The following FSAF1 variants were observed in gnomAD, a reference collection of about 807,000 sequenced individuals.
The protein encoded by FSAF1 is 40S small subunit processome assembly factor 1.
chr1:231,231,002 T>C, the FSAF1 span, among the ~76,000 whole-genome samples: 2 of 152,226 alleles, frequency 1.3e-5, no homozygotes, highest in Non-Finnish European at 1.5e-5. Context: ...GGGGTGCTGA[T>C]GGTAACAGAG....
At chr1:231,225,164 AC>A in the FSAF1 span, 1 of 444,378 alleles carries the variant, frequency 2.3e-6, no homozygotes, top group Non-Finnish European at 4.0e-6. Context: ...GGCTATACAG[AC>A]CCAGACTACG....
chr1:231,234,364 C>G, the FSAF1 span, among the ~76,000 whole-genome samples: 1 of 152,200 alleles, frequency 6.6e-6, no homozygotes, highest in Admixed American at 6.5e-5. The surrounding 1 kb of genome is among the most constrained non-coding windows in gnomAD (Gnocchi z 4.0). Context: ...GCTCTAAGGG[C>G]TGAGCAACAC....
At chr1:231,227,099 T>C in the FSAF1 span, 8 of 1,606,810 alleles carry the variant, frequency 5.0e-6, no homozygotes, top group Non-Finnish European at 6.8e-6. Context: ...CAGACGCAAG[T>C]GCATTCCAAC....
At chr1:231,227,139 A>G in the FSAF1 span, 1 of 1,477,796 alleles carries the variant, frequency 6.8e-7, no homozygotes, top group Non-Finnish European at 9.4e-7. Flanking sequence ...TACTGCCAGA[A>G]GTAATGCATT....
the FSAF1 span, chr1:231,238,307 C>T: frequency 6.6e-6 from 1 of 152,386 alleles, no homozygotes; most frequent in African/African-American, 2.4e-5. Flanking sequence ...ATTGCTTTTC[C>T]ACCAGCATTG....
chr1:231,241,000 G>A, the FSAF1 span: 1 of 1,593,468 alleles, frequency 6.3e-7, no homozygotes, highest in South Asian at 1.1e-5. This position sits in a 1 kb window ranked among gnomAD's most constrained non-coding sequence, Gnocchi z 4.1. Flanking sequence ...TTCTCCACGT[G>A]GGCTCCTGGG....
chr1:231,231,017 T>C, the FSAF1 span, among the ~76,000 whole-genome samples: 9 of 152,206 alleles, frequency 5.9e-5, no homozygotes, highest in Non-Finnish European at 8.8e-5. Flanking sequence ...ACAGAGGACG[T>C]GACAGCAGAG....
At chr1:231,238,286 A>G in the FSAF1 span, 1 of 152,288 alleles carries the variant, frequency 6.6e-6, no homozygotes, top group African/African-American at 2.4e-5. Flanking sequence ...ATTACTGCTC[A>G]GAAAAATCAA....
chr1:231,224,932 A>T, the FSAF1 span: 1 of 166,476 alleles, frequency 6.0e-6, no homozygotes, highest in Non-Finnish European at 1.3e-5. Flanking sequence ...TTCAACAGAT[A>T]CAGATCGGTG....
the FSAF1 span, chr1:231,224,893 G>A: frequency 1.2e-5 from 2 of 166,594 alleles, no homozygotes; most frequent in African/African-American, 4.8e-5. Flanking sequence ...CAATACCTAA[G>A]ACACCCACAT....
the FSAF1 span, chr1:231,226,810 A>G: frequency 6.2e-7 from 1 of 1,608,116 alleles, no homozygotes; most frequent in South Asian, 1.1e-5. Context: ...TAATTCACAT[A>G]ACTCTTTTTA....
At chr1:231,230,264 G>A in the FSAF1 span, among the ~76,000 whole-genome samples, 1 of 152,036 alleles carries the variant, frequency 6.6e-6, no homozygotes, top group East Asian at 1.9e-4. Flanking sequence ...CTGCTTGCTG[G>A]GAAGGTTTAG....
the FSAF1 span, among the ~76,000 whole-genome samples, chr1:231,227,284 G>A: frequency 1.3e-5 from 2 of 151,874 alleles, no homozygotes; most frequent in African/African-American, 4.8e-5. Flanking sequence ...TTTCCTTTGA[G>A]ACAGGGTCTT....
chr1:231,225,937 A>G, the FSAF1 span: 1 of 155,522 alleles, frequency 6.4e-6, no homozygotes, highest in Non-Finnish European at 1.3e-5. Flanking sequence ...TGTAACATCT[A>G]TTCCCCTTGT....
the FSAF1 span, chr1:231,225,758 G>T: frequency 2.6e-5 from 14 of 530,690 alleles, no homozygotes; most frequent in South Asian, 2.3e-4. Context: ...GGAAGCCAAG[G>T]GGGGAGGATC....
At chr1:231,240,909 T>G in the FSAF1 span, 1 of 912,490 alleles carries the variant, frequency 1.1e-6, no homozygotes, top group African/African-American at 1.7e-5. The surrounding 1 kb of genome is among the most constrained non-coding windows in gnomAD (Gnocchi z 4.1). Flanking sequence ...CGAAGGGTGC[T>G]TGACATGCAA....
At chr1:231,233,205 G>A in the FSAF1 span, among the ~76,000 whole-genome samples, 2 of 152,192 alleles carry the variant, frequency 1.3e-5, no homozygotes, top group Admixed American at 6.5e-5. Flanking sequence ...TCTGTCTGGC[G>A]ATGGCTCAGA....
the FSAF1 span, among the ~76,000 whole-genome samples, chr1:231,228,081 C>G: frequency 1.3e-5 from 2 of 152,166 alleles, no homozygotes; most frequent in Non-Finnish European, 2.9e-5. Flanking sequence ...ACTTAGAAAC[C>G]ATTTATCACA....
At chr1:231,237,015 G>A in the FSAF1 span, 14 of 149,180 alleles carry the variant, frequency 9.4e-5, no homozygotes, top group African/African-American at 3.5e-4. Context: ...TTTTTTTGGA[G>A]AAAGGGTCTC....
Sources: allele counts gnomAD v4.1 joint callset (sites outside exome capture counted in the v4.1 genomes callset), GRCh38; gene constraint gnomAD v4.1.1; non-coding constraint Gnocchi (gnomAD v3.1); transcripts MANE v1.5; gene names NCBI Gene and HGNC (gene_info 2026-07-23, HGNC 2026-07-21).